FILIP1L: variants seen among roughly 807,000 people sequenced by gnomAD.
FILIP1L encodes the protein filamin A-interacting protein 1-like.
Under a neutral mutation model 96.6 loss-of-function variants are expected in FILIP1L, and 55 were observed. The observed-to-expected ratio is 0.57, with a 90% CI of 0.46 to 0.71. The LOEUF is 0.71. Ranked by LOEUF, FILIP1L falls within the 30% of genes least tolerant of loss-of-function variation. The probability of loss-of-function intolerance (pLI) is 0.00; values close to 1 mark genes in which losing one functional copy is unlikely to be tolerated. For synonymous variants in FILIP1L, 467 were observed against 473.9 expected, an observed-to-expected ratio of 0.99 and a Z score of 0.19; for missense variants, 1,304 against 1,321.2, an observed-to-expected ratio of 0.99 and a Z score of 0.20.
At chr3:100,044,379 C>T (rs1158803316) in intron 1 of FILIP1L, among the ~76,000 whole-genome samples, 1 of 152,054 alleles carries the variant, frequency 6.6e-6, no homozygotes, top group South Asian at 2.1e-4. Context: ...CAGGGGTAAT[C>T]TGTCAAGGGG....
chr3:100,012,475 A>G (rs886432722), intron 1 of FILIP1L, among the ~76,000 whole-genome samples: 1 of 152,180 alleles, frequency 6.6e-6, no homozygotes, highest in Admixed American at 6.5e-5. Context: ...CTAACTTTGG[A>G]GGAAATCAAG....
chr3:99,955,080 C>T (rs1301020365), intron 1 of FILIP1L, among the ~76,000 whole-genome samples: 2 of 152,136 alleles, frequency 1.3e-5, no homozygotes, highest in Admixed American at 1.3e-4. Context: ...AGATCAAGTG[C>T]TGGGTAATTT....
At chr3:99,946,433 T>C (rs934731511) in intron 1 of FILIP1L, among the ~76,000 whole-genome samples, 1 of 152,228 alleles carries the variant, frequency 6.6e-6, no homozygotes, top group Non-Finnish European at 1.5e-5. Context: ...GTGTGGCTGC[T>C]AAACAAAAGA....
At chr3:100,098,341 A>AT (rs1178531157) in intron 1 of FILIP1L, among the ~76,000 whole-genome samples, 1 of 152,186 alleles carries the variant, frequency 6.6e-6, no homozygotes, top group Admixed American at 6.5e-5. Context: ...CATTTCCACC[A>AT]TTTAAACTGC....
At chr3:100,046,312 A>G (rs556480771) in intron 1 of FILIP1L, among the ~76,000 whole-genome samples, 46 of 152,322 alleles carry the variant, frequency 3.0e-4, no homozygotes, top group African/African-American at 1.1e-3. Flanking sequence ...TGCCTCAGAC[A>G]TGTCTTAAAA....
chr3:99,982,193 AGTATT>A (rs1418816749), intron 1 of FILIP1L, among the ~76,000 whole-genome samples: 1 of 152,150 alleles, frequency 6.6e-6, no homozygotes, highest in Non-Finnish European at 1.5e-5. Flanking sequence ...TTTTTTTAAT[AGTATT>A]GTCTATATGC....
intron 5 of FILIP1L, chr3:99,833,155 G>T: frequency 3.8e-6 from 5 of 1,327,952 alleles, no homozygotes; most frequent in South Asian, 3.7e-5. Flanking sequence ...AGAAGAAAAC[G>T]ATTTTTTAAT....
chr3:100,078,618 G>T (rs1245977231), intron 1 of FILIP1L, among the ~76,000 whole-genome samples: 1 of 152,094 alleles, frequency 6.6e-6, no homozygotes, highest in Non-Finnish European at 1.5e-5. Flanking sequence ...GCCTGGCATG[G>T]TGGCTCGCTG....
At chr3:99,861,748 C>T (rs1397293987) in intron 4 of FILIP1L, among the ~76,000 whole-genome samples, 1 of 152,132 alleles carries the variant, frequency 6.6e-6, no homozygotes, top group Non-Finnish European at 1.5e-5. Flanking sequence ...TACCGAAGCA[C>T]CAATAGGAAC....
intron 4 of FILIP1L, among the ~76,000 whole-genome samples, chr3:99,861,692 G>T (rs1202653679): frequency 6.6e-6 from 1 of 152,134 alleles, no homozygotes; most frequent in Non-Finnish European, 1.5e-5. Context: ...AACAGTGCAG[G>T]TGGCAGAGGG....
intron 3 of FILIP1L, 50 bp downstream of exon 3, chr3:99,929,806 G>A (rs1216297075): frequency 1.4e-6 from 2 of 1,384,892 alleles, no homozygotes; most frequent in Non-Finnish European, 2.0e-6. Context: ...TCATCTGCAG[G>A]GCTAGTGCTT....
chr3:99,925,150 G>C (rs1032269542), intron 3 of FILIP1L, among the ~76,000 whole-genome samples: 17 of 152,170 alleles, frequency 1.1e-4, no homozygotes, highest in Admixed American at 9.8e-4. Context: ...CGCTCTACCA[G>C]GACATGCTAT....
chr3:100,041,564 G>A (rs920346094), intron 1 of FILIP1L, among the ~76,000 whole-genome samples: 1 of 151,910 alleles, frequency 6.6e-6, no homozygotes, highest in African/African-American at 2.4e-5. Flanking sequence ...GGAATGCCAG[G>A]GAACTTAGCC....
chr3:100,031,039 C>T (rs2065013479), intron 1 of FILIP1L, among the ~76,000 whole-genome samples: 1 of 152,184 alleles, frequency 6.6e-6, no homozygotes, highest in South Asian at 2.1e-4. Context: ...CTCTTCCTAA[C>T]ATAAAATGAT....
chr3:99,964,200 C>T (rs551323328), intron 1 of FILIP1L: 6 of 152,364 alleles, frequency 3.9e-5, no homozygotes, highest in Admixed American at 6.5e-5. Flanking sequence ...AAATCCATTA[C>T]GCTTCAGTTA....
intron 1 of FILIP1L, among the ~76,000 whole-genome samples, chr3:99,944,771 G>A (rs1477098594): frequency 2.6e-5 from 4 of 152,170 alleles, no homozygotes; most frequent in Non-Finnish European, 5.9e-5. Context: ...AGACATCTCA[G>A]CAATTATGGT....
chr3:99,907,726 T>C (rs374038152), intron 4 of FILIP1L, among the ~76,000 whole-genome samples: 1 of 152,154 alleles, frequency 6.6e-6, no homozygotes, highest in Non-Finnish European at 1.5e-5. Context: ...CCTATAATGA[T>C]TTTTGTGTTC....
chr3:100,016,135 A>G (rs1420657030), intron 1 of FILIP1L, among the ~76,000 whole-genome samples: 1 of 152,136 alleles, frequency 6.6e-6, no homozygotes, highest in African/African-American at 2.4e-5. Flanking sequence ...AGGTCTCTTT[A>G]TCACTCTCCT....
chr3:99,841,417 C>G (rs958212798), intron 5 of FILIP1L, among the ~76,000 whole-genome samples: 68 of 152,204 alleles, frequency 4.5e-4, no homozygotes, highest in African/African-American at 1.5e-3. Context: ...ATAACTCCCT[C>G]TATTGTTTAG....
Sources: allele counts gnomAD v4.1 joint callset (sites outside exome capture counted in the v4.1 genomes callset), GRCh38; gene constraint gnomAD v4.1.1; transcripts MANE v1.5; gene names NCBI Gene and HGNC (gene_info 2026-07-23, HGNC 2026-07-21).